Variants in TBC1D5 observed in about 807,000 individuals in gnomAD.
The protein encoded by TBC1D5 is TBC1 domain family, member 5.
A neutral mutation model predicts 100.3 loss-of-function variants in TBC1D5; 75 were observed. The ratio of observed to expected loss-of-function variants is 0.75; its 90% CI spans 0.62 to 0.91. The LOEUF (loss-of-function observed/expected upper bound fraction) is 0.91. Ranked by LOEUF, TBC1D5 falls within the 40% of genes least tolerant of loss-of-function variation. The pLI is 0.00. For synonymous variants in TBC1D5, 323 were observed against 325.6 expected (o/e 0.99, Z 0.09); for missense variants, 910 against 942.4 (o/e 0.97, Z 0.45).
intron 13 of TBC1D5, among the ~76,000 whole-genome samples, chr3:17,326,880 T>A (rs990259875): frequency 2.0e-5 from 3 of 152,226 alleles, no homozygotes; most frequent in Non-Finnish European, 4.4e-5. Context: ...AACCCTCTAG[T>A]TGCTCAGGAG....
At chr3:17,572,917 C>G (rs898028194) in intron 2 of TBC1D5, among the ~76,000 whole-genome samples, 33 of 152,064 alleles carry the variant, frequency 2.2e-4, no homozygotes, top group African/African-American at 7.2e-4. Flanking sequence ...CCTTAGATAC[C>G]CATCAAATAC....
intron 9 of TBC1D5, 56 bp from the exon 10 acceptor site, chr3:17,376,669 G>T: frequency 6.6e-7 from 1 of 1,508,534 alleles, no homozygotes; most frequent in Non-Finnish European, 9.1e-7. Flanking sequence ...TCCATTAGTG[G>T]ACAGTATAAA....
chr3:17,645,668 C>A (rs2064953014), intron 1 of TBC1D5, among the ~76,000 whole-genome samples: 1 of 152,114 alleles, frequency 6.6e-6, no homozygotes, highest in African/African-American at 2.4e-5. Flanking sequence ...CCTAAACATT[C>A]TCATAAAAGC....
intron 2 of TBC1D5, among the ~76,000 whole-genome samples, chr3:17,525,296 A>AT (rs1325997228): frequency 3.3e-5 from 5 of 151,726 alleles, no homozygotes; most frequent in African/African-American, 4.8e-5. Flanking sequence ...TACCCAGCTA[A>AT]TTTTTTTTAT....
chr3:17,697,681 C>A (rs1372750884), intron 1 of TBC1D5, among the ~76,000 whole-genome samples: 2 of 152,218 alleles, frequency 1.3e-5, no homozygotes, highest in Admixed American at 6.5e-5. Context: ...CCATACTGCC[C>A]AAGGTAATTT....
chr3:17,534,506 G>A (rs1576567618), intron 2 of TBC1D5, among the ~76,000 whole-genome samples: 2 of 152,272 alleles, frequency 1.3e-5, no homozygotes, highest in East Asian at 3.9e-4. Context: ...TGTAGTAACA[G>A]ACTATCACTT....
chr3:17,163,803 A>G (rs1559330158), intron 21 of TBC1D5, among the ~76,000 whole-genome samples: 1 of 152,222 alleles, frequency 6.6e-6, no homozygotes, highest in Admixed American at 6.5e-5. Flanking sequence ...GGCTAGTGTG[A>G]CTGAGGAACT....
chr3:17,654,734 G>A (rs972677030), intron 1 of TBC1D5, among the ~76,000 whole-genome samples: 2 of 152,116 alleles, frequency 1.3e-5, no homozygotes, highest in Non-Finnish European at 2.9e-5. Flanking sequence ...CAGAAGGAAT[G>A]GTACCAGTTC....
At chr3:17,708,663 G>A (rs185456316) in intron 1 of TBC1D5, among the ~76,000 whole-genome samples, 11 of 152,266 alleles carry the variant, frequency 7.2e-5, no homozygotes, top group African/African-American at 1.9e-4. Context: ...GGGTAAAACC[G>A]CCCCTATTCA....
intron 1 of TBC1D5, among the ~76,000 whole-genome samples, chr3:17,690,655 G>A (rs2071010924): frequency 6.6e-6 from 1 of 152,192 alleles, no homozygotes; most frequent in African/African-American, 2.4e-5. Context: ...AACAGCAGTG[G>A]CATTAGATTC....
At chr3:17,348,982 C>T (rs17043460) in intron 13 of TBC1D5, among the ~76,000 whole-genome samples, 13,711 of 151,792 alleles carry the variant, frequency 0.09, 1,414 homozygotes, top group African/African-American at 0.26. Flanking sequence ...CCTTGCAAAA[C>T]GGGTAGAGAA....
At chr3:17,350,210 C>A (rs1025153491) in intron 13 of TBC1D5, among the ~76,000 whole-genome samples, 2 of 151,590 alleles carry the variant, frequency 1.3e-5, no homozygotes, top group Non-Finnish European at 2.9e-5. Flanking sequence ...TACCACTATC[C>A]CACAAACTAC....
chr3:17,303,167 G>A (rs115206225), intron 14 of TBC1D5, among the ~76,000 whole-genome samples: 2,164 of 152,252 alleles, frequency 0.014, 47 homozygotes, highest in African/African-American at 0.05. Context: ...TTCCCTCTAA[G>A]CCTCACCCTC....
chr3:17,711,545 G>A (rs2074734870), intron 1 of TBC1D5, among the ~76,000 whole-genome samples: 1 of 151,902 alleles, frequency 6.6e-6, no homozygotes, highest in African/African-American at 2.4e-5. Context: ...CTATATTTAT[G>A]AACAATTAAA....
chr3:17,592,368 T>C (rs998301988), intron 2 of TBC1D5, among the ~76,000 whole-genome samples: 1 of 152,166 alleles, frequency 6.6e-6, no homozygotes, highest in Non-Finnish European at 1.5e-5. Flanking sequence ...TGTCAGAGGA[T>C]GGGAAGTAAA....
intron 3 of TBC1D5, among the ~76,000 whole-genome samples, chr3:17,484,305 T>C (rs1026954942): frequency 6.6e-6 from 1 of 152,182 alleles, no homozygotes. Flanking sequence ...CAAAACAGTT[T>C]ACTATGGTGT....
chr3:17,698,208 G>A (rs1333124330), intron 1 of TBC1D5, among the ~76,000 whole-genome samples: 1 of 152,148 alleles, frequency 6.6e-6, no homozygotes, highest in East Asian at 1.9e-4. Context: ...TAGATCAATG[G>A]AACAGAACAG....
chr3:17,234,963 T>C (rs2733498), intron 17 of TBC1D5, among the ~76,000 whole-genome samples: 60,752 of 151,888 alleles, frequency 0.4, 12,860 homozygotes, highest in Middle Eastern at 0.49. Context: ...TAAACAGCTT[T>C]TAGTGGAAAT....
chr3:17,691,240 T>G (rs1054954144), intron 1 of TBC1D5, among the ~76,000 whole-genome samples: 2 of 152,142 alleles, frequency 1.3e-5, no homozygotes, highest in African/African-American at 2.4e-5. Context: ...TGTAACACCT[T>G]TATAGTCACA....
Sources: allele counts gnomAD v4.1 joint callset (sites outside exome capture counted in the v4.1 genomes callset), GRCh38; gene constraint gnomAD v4.1.1; transcripts MANE v1.5; gene names NCBI Gene and HGNC (gene_info 2026-07-23, HGNC 2026-07-21).